The following CNTN5 variants were observed in gnomAD, a reference collection of about 807,000 sequenced individuals.
CNTN5 encodes contactin 5, also known as contactin-5.
A neutral mutation model predicts 129.1 loss-of-function variants in CNTN5; 77 were observed. The observed-to-expected ratio is 0.60, with a 90% CI of 0.50 to 0.72. The LOEUF (loss-of-function observed/expected upper bound fraction) is 0.72. CNTN5 is among the 30% of genes least tolerant of loss of function. The pLI is 0.00. For missense variants in CNTN5, 1,478 were observed against 1,328.8 expected, an observed-to-expected ratio of 1.11 and a Z score of -1.75; for synonymous variants, 509 against 465.6, an observed-to-expected ratio of 1.09 and a Z score of -1.20.
intron 3 of CNTN5, among the ~76,000 whole-genome samples, chr11:99,811,959 A>G (rs897643514): frequency 6.6e-6 from 1 of 152,176 alleles, no homozygotes; most frequent in East Asian, 1.9e-4. Flanking sequence ...TCTGAAAAGA[A>G]AAAGGTATGG....
At chr11:100,257,079 G>A (rs1281071404) in intron 17 of CNTN5, among the ~76,000 whole-genome samples, 2 of 152,144 alleles carry the variant, frequency 1.3e-5, no homozygotes, top group East Asian at 1.9e-4. Context: ...AAGTTGACCT[G>A]GGATGCTTGA....
chr11:99,999,945 G>A (rs1439877256), intron 8 of CNTN5, among the ~76,000 whole-genome samples: 4 of 151,342 alleles, frequency 2.6e-5, no homozygotes, highest in Non-Finnish European at 5.9e-5. Flanking sequence ...CTCATAGATA[G>A]GAACTGAACA....
intron 3 of CNTN5, among the ~76,000 whole-genome samples, chr11:99,672,475 G>C (rs942132561): frequency 2.6e-5 from 4 of 151,684 alleles, no homozygotes; most frequent in African/African-American, 7.3e-5. Context: ...GCCCCCAGAG[G>C]GTGGCTGCAA....
intron 6 of CNTN5, among the ~76,000 whole-genome samples, chr11:99,899,418 G>C (rs1357259187): frequency 2.0e-5 from 3 of 151,918 alleles, no homozygotes; most frequent in Admixed American, 6.6e-5. Flanking sequence ...AGTTTGTTGA[G>C]GGTATTTATT....
chr11:100,166,943 G>T (rs902237813), intron 13 of CNTN5, among the ~76,000 whole-genome samples: 3 of 151,774 alleles, frequency 2.0e-5, no homozygotes, highest in Admixed American at 6.6e-5. Context: ...GAAAGAAATT[G>T]CCTGTAAGTG....
intron 1 of CNTN5, among the ~76,000 whole-genome samples, chr11:99,320,433 T>G (rs931187765): frequency 1.3e-5 from 2 of 152,118 alleles, no homozygotes; most frequent in Admixed American, 1.3e-4. Flanking sequence ...TGTTGTGACT[T>G]TGAGGAATCC....
chr11:99,793,407 T>TG (rs1945824588), intron 3 of CNTN5, among the ~76,000 whole-genome samples: 2 of 151,798 alleles, frequency 1.3e-5, no homozygotes, highest in South Asian at 4.2e-4. Flanking sequence ...TTATTAATCT[T>TG]CTGTATGGTT....
At chr11:99,945,803 C>T (rs559565107) in intron 7 of CNTN5, among the ~76,000 whole-genome samples, 4 of 152,168 alleles carry the variant, frequency 2.6e-5, no homozygotes, top group African/African-American at 7.2e-5. Context: ...GTTGAGCCCC[C>T]TGTGTCTCAG....
chr11:99,090,314 C>A (rs571009462), intron 1 of CNTN5, among the ~76,000 whole-genome samples: 1 of 152,102 alleles, frequency 6.6e-6, no homozygotes, highest in African/African-American at 2.4e-5. Flanking sequence ...TTATTATGGG[C>A]CTGTTGTGGC....
chr11:99,710,531 G>C (rs1021719804), intron 3 of CNTN5, among the ~76,000 whole-genome samples: 2 of 151,224 alleles, frequency 1.3e-5, no homozygotes, highest in African/African-American at 4.9e-5. Flanking sequence ...CCCTACTGCA[G>C]AGTTCCTGCT....
chr11:99,265,667 G>T (rs989680979), intron 1 of CNTN5, among the ~76,000 whole-genome samples: 4 of 151,724 alleles, frequency 2.6e-5, no homozygotes, highest in Non-Finnish European at 5.9e-5. Context: ...TTCTTATCCA[G>T]CCCCTTCCCA....
At chr11:99,440,742 A>C (rs1382074032) in intron 2 of CNTN5, among the ~76,000 whole-genome samples, 1 of 152,028 alleles carries the variant, frequency 6.6e-6, no homozygotes, top group Non-Finnish European at 1.5e-5. Context: ...GCAAAAGGGG[A>C]AGCATTATGA....
At chr11:99,462,360 CT>C (rs72276833) in intron 2 of CNTN5, among the ~76,000 whole-genome samples, 26,776 of 125,358 alleles carry the variant, frequency 0.21, 2,040 homozygotes, top group Middle Eastern at 0.34. Flanking sequence ...CTTTTCTTTT[CT>C]TTTTTTTTTT....
At chr11:100,003,484 G>A (rs1940004893) in intron 9 of CNTN5, among the ~76,000 whole-genome samples, 1 of 152,138 alleles carries the variant, frequency 6.6e-6, no homozygotes, top group African/African-American at 2.4e-5. Context: ...GGGTTTTAGT[G>A]TATCCTGTAG....
intron 2 of CNTN5, among the ~76,000 whole-genome samples, chr11:99,482,502 G>A (rs1238307484): frequency 6.6e-6 from 1 of 152,120 alleles, no homozygotes; most frequent in African/African-American, 2.4e-5. Flanking sequence ...TGTAACTTGT[G>A]AATTTAGTCA....
chr11:99,901,563 G>A (rs1339079186), intron 6 of CNTN5, among the ~76,000 whole-genome samples: 1 of 152,052 alleles, frequency 6.6e-6, no homozygotes, highest in Admixed American at 6.5e-5. Flanking sequence ...AAAGTGCTGT[G>A]ATTACAGGCA....
chr11:100,226,500 G>T (rs1048569131), intron 16 of CNTN5, among the ~76,000 whole-genome samples: 1 of 152,076 alleles, frequency 6.6e-6, no homozygotes, highest in African/African-American at 2.4e-5. Flanking sequence ...TGCTCTTTTA[G>T]CCTTTGGCTT....
At chr11:100,159,120 C>G (rs1227507667) in intron 13 of CNTN5, among the ~76,000 whole-genome samples, 1 of 151,568 alleles carries the variant, frequency 6.6e-6, no homozygotes, top group African/African-American at 2.4e-5. Flanking sequence ...ACAGGCAAAA[C>G]TAATATAGAT....
intron 2 of CNTN5, among the ~76,000 whole-genome samples, chr11:99,440,571 A>T (rs758738547): frequency 6.6e-6 from 1 of 152,186 alleles, no homozygotes; most frequent in Non-Finnish European, 1.5e-5. Flanking sequence ...GTTGGGCAAG[A>T]TTGTTAAAAC....
Sources: gnomAD v4.1 joint callset for allele counts (sites outside exome capture counted in the v4.1 genomes callset) on GRCh38, gnomAD v4.1.1 for gene constraint, MANE v1.5 for transcripts, NCBI Gene and HGNC (gene_info 2026-07-23, HGNC 2026-07-21) for gene names.